The following UBA6 variants were observed in gnomAD, a reference collection of about 807,000 sequenced individuals.
UBA6 encodes the protein ubiquitin like modifier activating enzyme 6.
A neutral mutation model predicts 148.3 loss-of-function variants in UBA6; 87 were observed. That is an observed-to-expected ratio of 0.59 (90% confidence interval 0.49 to 0.70). The LOEUF (loss-of-function observed/expected upper bound fraction) is 0.70, where lower values mean the gene tolerates loss of function less well. Among genes scored for constraint, UBA6 ranks in the 30% least tolerant of loss-of-function variants. UBA6 has a pLI of 0.00. For missense variants in UBA6, 1,186 were observed against 1,241.2 expected (o/e 0.96, Z 0.67); for synonymous variants, 376 against 401.0 (o/e 0.94, Z 0.75).
intron 13 of UBA6, among the ~76,000 whole-genome samples, chr4:67,654,293 T>C (rs146224714): frequency 0.011 from 1,747 of 151,974 alleles, 11 homozygotes; most frequent in Non-Finnish European, 0.013. Context: ...GAGAGAGAGA[T>C]TGGGTTACCC....
At chr4:67,695,003 T>G (rs953929361) in intron 2 of UBA6, among the ~76,000 whole-genome samples, 1 of 152,208 alleles carries the variant, frequency 6.6e-6, no homozygotes, top group East Asian at 1.9e-4. Flanking sequence ...TAAAGCAAAC[T>G]GCAGCCTACT....
rs749861949 is a variant in UBA6 at position 67,633,487 on chromosome 4, G to GA, written c.2014-15dup. 2,294 of 1,467,816 alleles carry GA rather than the reference G, an allele frequency of 1.6e-3. No homozygotes were observed. Among genetic ancestry groups the GA allele is most frequent in the South Asian group, 4.4e-3 (331 of 75,208 alleles). The allele number at this position is 1,467,816 out of a possible 1,614,324, so 90.9% of individuals were successfully genotyped here. A position where few individuals can be genotyped will look rare whatever the true frequency, so the allele number is the denominator to read the frequency against. The stretch of plus-strand genomic sequence containing the variant: ...ACTCTGTATCTTCTAGAATGGGAGA[G>GA]AAAAAAAAAATCAACATACTTCCAA... On this transcript the variant is annotated splice_polypyrimidine_tract_variant and intron_variant, in intron 22 of 32. Transcript: ENST00000322244.
chr4:67,678,660 TAAG>T (rs1284356390), intron 4 of UBA6, 127 bp from the exon 5 acceptor site: 8 of 457,944 alleles, frequency 1.7e-5, no homozygotes, highest in Non-Finnish European at 2.8e-5. Flanking sequence ...AACAAAGGCA[TAAG>T]AATTAAAATA....
intron 9 of UBA6, among the ~76,000 whole-genome samples, chr4:67,665,972 C>G (rs1379861514): frequency 6.6e-6 from 1 of 151,976 alleles, no homozygotes; most frequent in Non-Finnish European, 1.5e-5. Flanking sequence ...AAAAAGAAAA[C>G]CTCATGACAA....
intron 1 of UBA6, among the ~76,000 whole-genome samples, chr4:67,698,013 C>A (rs1730881825): frequency 6.6e-6 from 1 of 152,190 alleles, no homozygotes; most frequent in Non-Finnish European, 1.5e-5. Flanking sequence ...CCACCAGTCT[C>A]CGTTTTCGCT....
chr4:67,693,422 AGT>A (rs1730746233), intron 2 of UBA6, among the ~76,000 whole-genome samples: 1 of 152,110 alleles, frequency 6.6e-6, no homozygotes, highest in African/African-American at 2.4e-5. Context: ...TCCAGTCAAT[AGT>A]AAGGCTATTA....
At chr4:67,674,802 T>C (rs1290979184) in intron 6 of UBA6, among the ~76,000 whole-genome samples, 1 of 152,224 alleles carries the variant, frequency 6.6e-6, no homozygotes, top group Non-Finnish European at 1.5e-5. Flanking sequence ...ATTTCATAAA[T>C]TGGACCTTTT....
rs921891455 is a variant in UBA6 at position 67,680,487 on chromosome 4, C to G, written c.258+1076G>C. On this transcript the variant is annotated intron_variant, in intron 4 of 32. Coordinates refer to ENST00000322244, the MANE Select transcript of UBA6 (RefSeq NM_018227.6). Reference sequence around the variant, plus strand: ...AATAAATTGCAAGAAAAAACCTAGGCAAGGAAGGGAAATCTATAGATTAAA... The same window carrying G: ...AATAAATTGCAAGAAAAAACCTAGGGAAGGAAGGGAAATCTATAGATTAAA... 2.6e-5 allele frequency among the ~76,000 whole-genome samples: 4 copies of G among 151,998 alleles called. No homozygotes were observed. In the East Asian group the frequency reaches 7.7e-4, roughly 29 times the overall value.
At chr4:67,624,060 C>T in intron 30 of UBA6, 66 bp downstream of exon 30, 1 of 1,358,652 alleles carries the variant, frequency 7.4e-7, no homozygotes, top group Non-Finnish European at 9.8e-7. Flanking sequence ...AGTATTTTTC[C>T]CTTTTAAAAG....
At chr4:67,636,306 T>C (rs951060327) in intron 19 of UBA6, among the ~76,000 whole-genome samples, 3 of 152,160 alleles carry the variant, frequency 2.0e-5, no homozygotes, top group African/African-American at 7.2e-5. Flanking sequence ...AAAATCACCA[T>C]AGGAGGATTT....
In UBA6 at chr4:67,692,842, T is replaced by A. The variant is rs115107131; in HGVS notation, c.134+3803A>T. 2.6e-3 allele frequency among the ~76,000 whole-genome samples: 394 copies of A among 152,260 alleles called. 2 individuals carry two copies. The highest frequency in any genetic ancestry group is 6.0e-3 in the Admixed American group (92 of 15,292). On this transcript the variant is annotated intron_variant, in intron 2 of 32. Coordinates refer to ENST00000322244, the MANE Select transcript of UBA6 (RefSeq NM_018227.6). ...AGAACCCCAAGAAAGAGAACATCAT[T>A]AAAGTCTGGAAGATTATACCATTGA...
chr4:67,618,960 A>G lies in UBA6; in HGVS notation c.*37T>C. The G allele has an allele frequency of 4.4e-6, 7 of 1,592,958 alleles. No homozygotes were observed. Among genetic ancestry groups the G allele is most frequent in the Non-Finnish European group, 6.0e-6 (7 of 1,171,234 alleles). ...CTGAATTAAGTGCACTCTTTCCAAA[A>G]TCAAGTGGTCCTGGAGTAACGTTAA... On this transcript the variant is annotated 3_prime_UTR_variant, in exon 33 of 33. Transcript: ENST00000322244.
At chr4:67,629,292 T>C (rs1728942755) in intron 26 of UBA6, 150 bp from the exon 27 acceptor site, 1 of 591,556 alleles carries the variant, frequency 1.7e-6, no homozygotes, top group Non-Finnish European at 3.0e-6. Context: ...TTTATCTTTA[T>C]TTCTATAAAA....
At chr4:67,667,862 C>T in intron 9 of UBA6, among the ~76,000 whole-genome samples, 1 of 152,104 alleles carries the variant, frequency 6.6e-6, no homozygotes, top group Non-Finnish European at 1.5e-5. Flanking sequence ...AAAAACAGAC[C>T]CCTTCAACTT....
chr4:67,669,939 T>C (rs948800529), intron 8 of UBA6, among the ~76,000 whole-genome samples: 2 of 147,330 alleles, frequency 1.4e-5, no homozygotes, highest in Non-Finnish European at 3.0e-5. Context: ...CTATCAAGTA[T>C]TATTATTATT....
intron 13 of UBA6, among the ~76,000 whole-genome samples, chr4:67,658,959 G>A (rs999230794): frequency 5.9e-5 from 9 of 152,114 alleles, no homozygotes; most frequent in Admixed American, 2.0e-4. Flanking sequence ...AATTAACTGC[G>A]TACATCTGAA....
Position 67,629,145 on chromosome 4 carries a change from G to A in UBA6, c.2329-3C>T, listed in dbSNP as rs1038164542. 6.2e-7 allele frequency: 1 copy of A among 1,600,132 alleles called. No individual in the cohort carries two copies. The highest frequency in any genetic ancestry group is 1.3e-5 in the African/African-American group (1 of 74,582). On this transcript the variant is annotated splice_region_variant and splice_polypyrimidine_tract_variant and intron_variant, in intron 26 of 32. Transcript: ENST00000322244. Reference sequence around the variant, plus strand: ...AAGAGGGCATCTGCTGATAAGTCCTGTTTTTAAAAAAGTAATTTTACCAAC... The same window carrying A: ...AAGAGGGCATCTGCTGATAAGTCCTATTTTTAAAAAAGTAATTTTACCAAC...
chr4:67,665,071 A>G lies in UBA6; in HGVS notation c.897+118T>C, dbSNP rs1179561818. 5.2e-6 allele frequency: 3 copies of G among 577,678 alleles called. No homozygotes were observed. The African/African-American group carries it at 5.8e-5, about 11-fold the overall frequency. 35.8% of individuals were successfully genotyped at this position (577,678 alleles called of 1,614,324 possible). A position where few individuals can be genotyped will look rare whatever the true frequency, so the allele number is the denominator to read the frequency against. On this transcript the variant is annotated intron_variant, in intron 10 of 32. Transcript: ENST00000322244. ...AAGTGGGTACAAACAAAAAAATAAA[A>G]ATAAAAACAAATTCTGTTCCACATT... is the stretch of plus-strand genomic sequence containing the variant.
rs567419734 is a variant in UBA6, at chr4:67,693,045, CAAAA to C, written c.134+3596_134+3599del. 4.1e-4 allele frequency among the ~76,000 whole-genome samples: 63 copies of C among 151,930 alleles called. No homozygotes were observed. In the East Asian group the frequency reaches 0.012, roughly 28 times the overall value. ...AAACATTTTTCCAGAAATGAGAAAG[CAAAA>C]AAAGTCACATAGTAGTTACATATTT... On this transcript the variant is annotated intron_variant, in intron 2 of 32. Coordinates refer to ENST00000322244, the MANE Select transcript of UBA6 (RefSeq NM_018227.6).
Sources: allele counts gnomAD v4.1 joint callset (sites outside exome capture counted in the v4.1 genomes callset), GRCh38; gene constraint gnomAD v4.1.1; transcripts MANE v1.5; gene names NCBI Gene and HGNC (gene_info 2026-07-23, HGNC 2026-07-21).